The following NUP210 variants were observed in gnomAD, a reference collection of about 807,000 sequenced individuals.
NUP210 encodes nucleoporin 210, also known as nuclear pore membrane glycoprotein 210.
In NUP210, 151 loss-of-function variants were observed where a neutral mutation model predicts 196.0. That is an observed-to-expected ratio of 0.77 (90% CI 0.67 to 0.88). The LOEUF (loss-of-function observed/expected upper bound fraction) is 0.88, where lower values mean the gene tolerates loss of function less well. Among genes scored for constraint, NUP210 ranks in the 40% least tolerant of loss-of-function variants. The pLI, the probability that NUP210 is intolerant of heterozygous loss-of-function variation, is 0.00. For synonymous variants in NUP210, 1,070 were observed against 1,052.7 expected, an observed-to-expected ratio of 1.02 and a Z score of -0.32; for missense variants, 2,314 against 2,493.7, an observed-to-expected ratio of 0.93 and a Z score of 1.53.
At chr3:13,413,884 A>C in intron 1 of NUP210, among the ~76,000 whole-genome samples, 1 of 152,270 alleles carries the variant, frequency 6.6e-6, no homozygotes, top group Non-Finnish European at 1.5e-5. Context: ...AAATAAAAAA[A>C]TATGTAAACC....
intron 1 of NUP210, among the ~76,000 whole-genome samples, chr3:13,419,341 C>T (rs146167233): frequency 6.6e-6 from 1 of 152,320 alleles, no homozygotes; most frequent in Non-Finnish European, 1.5e-5. Flanking sequence ...TGGACTGCAC[C>T]GCCCTGTCAG....
chr3:13,365,685 T>C (rs1698506520), intron 14 of NUP210, among the ~76,000 whole-genome samples: 1 of 152,244 alleles, frequency 6.6e-6, no homozygotes, highest in African/African-American at 2.4e-5. Flanking sequence ...TGGGAGAGGC[T>C]GGCAGGTCGG....
At chr3:13,341,695 C>T in intron 23 of NUP210, 53 bp downstream of exon 23, 1 of 1,604,866 alleles carries the variant, frequency 6.2e-7, no homozygotes. Context: ...AAAGACACTC[C>T]CAACCCCCAG....
Position 13,340,372 on chromosome 3 carries a change from A to G in NUP210, c.3229-74T>C. 1 of 1,311,298 alleles carries G rather than the reference A, an allele frequency of 7.6e-7. No individual in the cohort carries two copies. Among genetic ancestry groups the G allele is most frequent in the Non-Finnish European group, 1.1e-6 (1 of 911,968 alleles). 81.2% of individuals were successfully genotyped at this position (1,311,298 alleles called of 1,614,324 possible). A position where few individuals can be genotyped will look rare whatever the true frequency, so the allele number is the denominator to read the frequency against. On this transcript the variant is annotated intron_variant, in intron 23 of 39. Coordinates refer to ENST00000254508, the MANE Select transcript of NUP210 (RefSeq NM_024923.4). This position sits in a 1 kb window ranked among gnomAD's most constrained non-coding sequence, Gnocchi z 4.0. Reference sequence around the variant, plus strand: ...GCGCCAAGCATAACTCACACACTACATGTTTCATGAGAGGAAAACCTGGGA... The same window carrying G: ...GCGCCAAGCATAACTCACACACTACGTGTTTCATGAGAGGAAAACCTGGGA...
intron 3 of NUP210, among the ~76,000 whole-genome samples, chr3:13,395,289 G>A (rs1398712135): frequency 1.3e-5 from 2 of 152,210 alleles, no homozygotes; most frequent in Non-Finnish European, 2.9e-5. Flanking sequence ...CCACAAGGAT[G>A]AGCAATAGCA....
intron 12 of NUP210, 34 bp downstream of exon 12, chr3:13,373,684 C>G (rs1253277466): frequency 6.2e-7 from 1 of 1,608,346 alleles, no homozygotes; most frequent in Non-Finnish European, 8.5e-7. Flanking sequence ...ACCATCCGAG[C>G]CTCCCAGGGG....
chr3:13,343,054 G>A (rs1183170485), intron 21 of NUP210, 121 bp downstream of exon 21: 1 of 1,202,834 alleles, frequency 8.3e-7, no homozygotes, highest in Admixed American at 1.9e-5. Context: ...AGCTCACAGG[G>A]GAAGGGATGC....
intron 11 of NUP210, among the ~76,000 whole-genome samples, chr3:13,375,267 G>A (rs1487415993): frequency 6.6e-6 from 1 of 151,684 alleles, no homozygotes; most frequent in Non-Finnish European, 1.5e-5. Flanking sequence ...GGGACTGCAG[G>A]TGTTAGCCAC....
At chr3:13,380,126 T>G (rs1194789082) in intron 6 of NUP210, among the ~76,000 whole-genome samples, 1 of 152,132 alleles carries the variant, frequency 6.6e-6, no homozygotes, top group African/African-American at 2.4e-5. Flanking sequence ...TGGTCACTGG[T>G]CTCCCATGGG....
rs1349037228 is a variant in NUP210 at position 13,366,108 on chromosome 3, A to G, written c.1787-17T>C. 1 of 1,606,890 alleles carries G rather than the reference A, an allele frequency of 6.2e-7. No individual in the cohort carries two copies. The highest frequency in any genetic ancestry group is 2.2e-5 in the East Asian group (1 of 44,716). ...GCAGCCTCCCTACAGAAAGGAGAGA[A>G]CTAGATGGTCACCCTGAAATCACTT... On this transcript the variant is annotated splice_polypyrimidine_tract_variant and intron_variant, in intron 13 of 39. Transcript: ENST00000254508.
At chr3:13,329,066 G>T in intron 30 of NUP210, 120 bp from the exon 31 acceptor site, 1 of 813,960 alleles carries the variant, frequency 1.2e-6, no homozygotes, top group Non-Finnish European at 1.9e-6. Context: ...AACAATGCAG[G>T]GCTGGACTTA....
Position 13,378,933 on chromosome 3 carries a change from C to T in NUP210, c.1024G>A (p.Val342Met), listed in dbSNP as rs140989067. The T allele has an allele frequency of 1.5e-5, 25 of 1,613,944 alleles. No individual in the cohort carries two copies. Among genetic ancestry groups the T allele is most frequent in the Middle Eastern group, 1.6e-4 (1 of 6,084 alleles). ...TCACCTAGGTATCCAGGTTCGACCA[C>T]GTAGATAGTGCTGTTGGGTAACCTA... ...ASRLPNSTIY[V>M]VEPGYLGFTV... The change falls in exon 8 of 40, where the codon GTG becomes ATG. Residue 342 changes from valine (V) to methionine (M), a missense_variant. Coordinates refer to ENST00000254508, the MANE Select transcript of NUP210 (RefSeq NM_024923.4).
rs1696305151 is a variant in NUP210, at chr3:13,317,232, A to C, written c.*449T>G. On this transcript the variant is annotated 3_prime_UTR_variant, in exon 40 of 40. Coordinates refer to ENST00000254508, the MANE Select transcript of NUP210 (RefSeq NM_024923.4). ...GGGCAAAGTAAGTTTTCACAGGGGGAAAAACCCCACCAAAAACCCCCTAAA... is the reference window on the plus strand; with the variant it reads ...GGGCAAAGTAAGTTTTCACAGGGGGCAAAACCCCACCAAAAACCCCCTAAA... 1 of 176,428 alleles carries C rather than the reference A, an allele frequency of 5.7e-6. No individual in the cohort carries two copies. Among genetic ancestry groups the C allele is most frequent in the African/African-American group, 2.4e-5 (1 of 41,548 alleles). The allele number at this position is 176,428 out of a possible 1,614,324, so 10.9% of individuals were successfully genotyped here.
intron 36 of NUP210, 85 bp from the exon 37 acceptor site, chr3:13,320,064 G>A: frequency 8.0e-7 from 1 of 1,254,568 alleles, no homozygotes; most frequent in East Asian, 2.4e-5. Flanking sequence ...GAGGCGGGAG[G>A]GCTGCTCTGC....
chr3:13,331,942 G>A (rs73813542), intron 29 of NUP210, among the ~76,000 whole-genome samples: 10,927 of 152,182 alleles, frequency 0.072, 835 homozygotes, highest in African/African-American at 0.19. Context: ...TTCTCTTCCC[G>A]GTGATGCTGA....
At position 13,317,503 on chromosome 3, in the gene NUP210, T is replaced by G. The variant is rs1696315071; in HGVS notation, c.*178A>C. On this transcript the variant is annotated 3_prime_UTR_variant, in exon 40 of 40. Coordinates refer to ENST00000254508, the MANE Select transcript of NUP210 (RefSeq NM_024923.4). The stretch of plus-strand genomic sequence containing the variant: ...ACACATTTAAAACTCCTACATAAAA[T>G]GAGCTAATGGGCAGAGCCGAAACTA... 1.7e-6 allele frequency: 1 copy of G among 595,092 alleles called. No individual in the cohort carries two copies. The highest frequency in any genetic ancestry group is 3.0e-6 in the Non-Finnish European group (1 of 334,006). 36.9% of individuals were successfully genotyped at this position (595,092 alleles called of 1,614,324 possible). A position where few individuals can be genotyped will look rare whatever the true frequency, so the allele number is the denominator to read the frequency against.
chr3:13,376,453 G>C (rs1698912856), intron 9 of NUP210, 22 bp from the exon 10 acceptor site: 2 of 1,613,854 alleles, frequency 1.2e-6, no homozygotes, highest in Admixed American at 1.7e-5. Context: ...GGCAGGACAG[G>C]AGAGAGGTGC....
At position 13,418,948 on chromosome 3, in the gene NUP210, C is replaced by CA. The variant is rs112826426; in HGVS notation, c.167+1111dup. ...TGGACGACAAAGCAAAACTCCGTCTCAAAAAAAAAAAAAAAAAAAAAAAAA... is the reference window on the plus strand; with the variant it reads ...TGGACGACAAAGCAAAACTCCGTCTCAAAAAAAAAAAAAAAAAAAAAAAAAA... On this transcript the variant is annotated intron_variant, in intron 1 of 39. Coordinates refer to ENST00000254508, the MANE Select transcript of NUP210 (RefSeq NM_024923.4). 6.6e-3 allele frequency among the ~76,000 whole-genome samples: 343 copies of CA among 52,002 alleles called. 2 individuals are homozygous for CA. The highest frequency in any genetic ancestry group is 0.012 in the East Asian group (17 of 1,450). The allele number at this position is 52,002 out of a possible 152,430, so 34.1% of individuals were successfully genotyped here.
chr3:13,407,378 C>A (rs1700036426), intron 1 of NUP210, among the ~76,000 whole-genome samples: 1 of 152,236 alleles, frequency 6.6e-6, no homozygotes, highest in South Asian at 2.1e-4. Flanking sequence ...CTTCCTCTTC[C>A]CTGAAGCCTG....
Sources: gnomAD v4.1 joint callset for allele counts (sites outside exome capture counted in the v4.1 genomes callset) on GRCh38, gnomAD v4.1.1 for gene constraint, Gnocchi (gnomAD v3.1) non-coding constraint, MANE v1.5 for transcripts, NCBI Gene and HGNC (gene_info 2026-07-23, HGNC 2026-07-21) for gene names.